FBXO5: variants seen among roughly 807,000 people sequenced by gnomAD.
FBXO5 encodes F-box protein 5, also known as F-box only protein 5.
A neutral mutation model predicts 43.3 loss-of-function variants in FBXO5; 8 were observed. The observed-to-expected ratio is 0.18, with a 90% CI of 0.11 to 0.33. The LOEUF (loss-of-function observed/expected upper bound fraction) is 0.33. Ranked by LOEUF, FBXO5 falls within the 10% of genes least tolerant of loss-of-function variation. The pLI, the probability that FBXO5 is intolerant of heterozygous loss-of-function variation, is 1.00. For synonymous variants in FBXO5, 204 were observed against 193.7 expected (o/e 1.05, Z -0.44); for missense variants, 491 against 535.7 (o/e 0.92, Z 0.82).
chr6:152,983,020 T>C lies in FBXO5; in HGVS notation c.-61A>G, dbSNP rs565890654. 1.1e-4 allele frequency: 117 copies of C among 1,047,808 alleles called. No homozygotes were observed. In the East Asian group the frequency reaches 3.1e-3, roughly 28 times the overall value. 64.9% of individuals were successfully genotyped at this position (1,047,808 alleles called of 1,614,324 possible). A position where few individuals can be genotyped will look rare whatever the true frequency, so the allele number is the denominator to read the frequency against. On this transcript the variant is annotated 5_prime_UTR_variant, in exon 1 of 5. Coordinates refer to ENST00000229758, the MANE Select transcript of FBXO5 (RefSeq NM_012177.5). ...CCGCTCCGGGGGCAGCTGAGCAACCTGCCTGCTTCACAGACCTGTATCTCT... is the reference window on the plus strand; with the variant it reads ...CCGCTCCGGGGGCAGCTGAGCAACCCGCCTGCTTCACAGACCTGTATCTCT...
intron 1 of FBXO5, among the ~76,000 whole-genome samples, chr6:152,979,650 A>G (rs1584082539): frequency 6.6e-6 from 1 of 152,210 alleles, no homozygotes; most frequent in East Asian, 1.9e-4. Context: ...CTATTTATTC[A>G]TACTACCAAT....
At chr6:152,974,805 A>C (rs1778138080) in intron 2 of FBXO5, 102 bp downstream of exon 2, 5 of 896,052 alleles carry the variant, frequency 5.6e-6, no homozygotes, top group Non-Finnish European at 8.5e-6. Flanking sequence ...GATGAGGGAC[A>C]CTCAACCTGT....
At chr6:152,979,975 T>C (rs1036118675) in intron 1 of FBXO5, among the ~76,000 whole-genome samples, 1 of 152,216 alleles carries the variant, frequency 6.6e-6, no homozygotes, top group Non-Finnish European at 1.5e-5. Context: ...AATTTTAAAA[T>C]ATGAAATTAA....
rs997920600 is a variant in FBXO5 at position 152,970,570 on chromosome 6, C to T, written c.*593G>A. On this transcript the variant is annotated 3_prime_UTR_variant, in exon 5 of 5. Transcript: ENST00000229758. Reference sequence around the variant, plus strand: ...CAAAATTTATTTTTATATGTACATACAAGAGACATATTCTTTGACATATAA... The same window carrying T: ...CAAAATTTATTTTTATATGTACATATAAGAGACATATTCTTTGACATATAA... 1 of 152,014 alleles carries T rather than the reference C, an allele frequency of 6.6e-6. No individual in the cohort carries two copies. Among genetic ancestry groups the T allele is most frequent in the Non-Finnish European group, 1.5e-5 (1 of 68,004 alleles). The allele number at this position is 152,014 out of a possible 1,614,324, so 9.4% of individuals were successfully genotyped here. A position where few individuals can be genotyped will look rare whatever the true frequency, so the allele number is the denominator to read the frequency against.
chr6:152,980,459 T>C (rs1172086377), intron 1 of FBXO5, among the ~76,000 whole-genome samples: 1 of 152,148 alleles, frequency 6.6e-6, no homozygotes, highest in African/African-American at 2.4e-5. Flanking sequence ...GGGGAGGTTA[T>C]TGAAAATTAT....
Position 152,971,343 on chromosome 6 carries a change from A to G in FBXO5, c.1164T>C (p.Asp388=). ...CIRCNSPAKY[D]CYLQRATCKR... ...TGCAGGTTGCCCGTTGTAAATAGCAATCATATTTTGCAGGTGAATTACAGC... is the reference window on the plus strand; with the variant it reads ...TGCAGGTTGCCCGTTGTAAATAGCAGTCATATTTTGCAGGTGAATTACAGC... Residue 388 remains aspartate, a synonymous_variant, in exon 5 of 5, where the codon GAT becomes GAC. Coordinates refer to ENST00000229758, the MANE Select transcript of FBXO5 (RefSeq NM_012177.5). The G allele has an allele frequency of 6.2e-7, 1 of 1,614,040 alleles. No individual in the cohort carries two copies. The highest frequency in any genetic ancestry group is 8.5e-7 in the Non-Finnish European group (1 of 1,179,952).
chr6:152,973,124 C>A lies in FBXO5; in HGVS notation c.831G>T (p.Val277=). ...SDMDLINVSK[V]STTWKKILED... ...CTAGGATCTTCTTCCAAGTTGTGCT[C>A]ACTTTAGACACACTGGAAAAGTAAA... The change falls in exon 3 of 5, where the codon GTG becomes GTT. Residue 277 remains valine (V), a synonymous_variant. Coordinates refer to ENST00000229758, the MANE Select transcript of FBXO5 (RefSeq NM_012177.5). 6.2e-7 allele frequency: 1 copy of A among 1,613,096 alleles called. No individual in the cohort carries two copies. Among genetic ancestry groups the A allele is most frequent in the South Asian group, 1.1e-5 (1 of 91,046 alleles).
At chr6:152,974,773 C>G in intron 2 of FBXO5, 134 bp downstream of exon 2, 1 of 675,946 alleles carries the variant, frequency 1.5e-6, no homozygotes, top group Non-Finnish European at 2.4e-6. Flanking sequence ...CATCTGAAAT[C>G]CTTCTGGTAC....
At chr6:152,982,297 G>A (rs933560064) in intron 1 of FBXO5, among the ~76,000 whole-genome samples, 5 of 152,194 alleles carry the variant, frequency 3.3e-5, no homozygotes, top group Admixed American at 2.0e-4. Flanking sequence ...GAGGAGGCGG[G>A]AGATAACCGC....
chr6:152,974,892 C>G lies in FBXO5; in HGVS notation c.818+15G>C, dbSNP rs770361783. On this transcript the variant is annotated intron_variant, in intron 2 of 4. Transcript: ENST00000229758. ...AGTGTATTATGCTAATATGTATATT[C>G]AAAACAGTACTTACTTGATTAAGTC... is the stretch of plus-strand genomic sequence containing the variant. 1 of 1,557,574 alleles carries G rather than the reference C, an allele frequency of 6.4e-7. No homozygotes were observed. Among genetic ancestry groups the G allele is most frequent in the Admixed American group, 1.9e-5 (1 of 51,716 alleles).
intron 1 of FBXO5, among the ~76,000 whole-genome samples, chr6:152,981,660 GAAA>G (rs374374061): frequency 7.6e-6 from 1 of 132,050 alleles, no homozygotes; most frequent in Non-Finnish European, 1.7e-5. Context: ...TATCAAAAAA[GAAA>G]AAAAAAAAAC....
chr6:152,971,190 T>C lies in FBXO5; in HGVS notation c.1317A>G (p.Lys439=). The change falls in exon 5 of 5, where the codon AAA becomes AAG. Residue 439 remains lysine (K), a synonymous_variant. Coordinates refer to ENST00000229758, the MANE Select transcript of FBXO5 (RefSeq NM_012177.5). ...ACAATCTTCGTAAATTCTTTTTGCT[T>C]TTCTTTGTACCAGGCAGGGGACCTA... is the stretch of plus-strand genomic sequence containing the variant. ...CKIGPLPGTK[K]SKKNLRRL is the part of the protein sequence containing the mutation. 1 of 1,609,074 alleles carries C rather than the reference T, an allele frequency of 6.2e-7. No homozygotes were observed. Among genetic ancestry groups the C allele is most frequent in the Non-Finnish European group, 8.5e-7 (1 of 1,178,680 alleles).
chr6:152,975,892 G>GT (rs1352696755), intron 1 of FBXO5, among the ~76,000 whole-genome samples: 2 of 152,180 alleles, frequency 1.3e-5, no homozygotes, highest in Admixed American at 6.5e-5. Context: ...CTGCCTGGCT[G>GT]TAACACCTGA....
chr6:152,982,736 C>A (rs1161694602), intron 1 of FBXO5, 121 bp downstream of exon 1: 4 of 627,182 alleles, frequency 6.4e-6, no homozygotes, highest in Non-Finnish European at 9.8e-6. Context: ...CGAGGCCGGG[C>A]GTGTGGCATG....
intron 1 of FBXO5, among the ~76,000 whole-genome samples, chr6:152,977,862 A>T (rs1368251041): frequency 6.6e-6 from 1 of 152,224 alleles, no homozygotes; most frequent in African/African-American, 2.4e-5. Context: ...GGGTTGTCCT[A>T]TAGAACCTCT....
chr6:152,978,804 TAA>T (rs1395268282), intron 1 of FBXO5, among the ~76,000 whole-genome samples: 7 of 151,878 alleles, frequency 4.6e-5, no homozygotes, highest in East Asian at 3.9e-4. Flanking sequence ...CTGGGCAACA[TAA>T]AGAGACTCCA....
chr6:152,972,164 AATTAGTT>A, intron 4 of FBXO5, 101 bp downstream of exon 4: 5 of 647,078 alleles, frequency 7.7e-6, no homozygotes, highest in Non-Finnish European at 1.3e-5. Context: ...TCAGAGAATA[AATTAGTT>A]ATTATCTAGA....
intron 1 of FBXO5, among the ~76,000 whole-genome samples, chr6:152,976,673 A>G (rs1180826973): frequency 1.3e-5 from 2 of 152,242 alleles, no homozygotes; most frequent in Admixed American, 1.3e-4. Flanking sequence ...AACTTAAGAT[A>G]AACTTGCTAT....
chr6:152,974,846 G>C, intron 2 of FBXO5, 61 bp downstream of exon 2: 2 of 1,329,624 alleles, frequency 1.5e-6, no homozygotes, highest in Non-Finnish European at 2.1e-6. Context: ...TGGTGGTACT[G>C]AGCCACTAAC....
Sources: allele counts gnomAD v4.1 joint callset (sites outside exome capture counted in the v4.1 genomes callset), GRCh38; gene constraint gnomAD v4.1.1; transcripts MANE v1.5; gene names NCBI Gene and HGNC (gene_info 2026-07-23, HGNC 2026-07-21).